Variants in SPAG16 observed in about 807,000 individuals in gnomAD.
SPAG16 encodes sperm-associated antigen 16 protein.
A neutral mutation model predicts 80.4 loss-of-function variants in SPAG16; 86 were observed. The observed-to-expected ratio is 1.07, with a 90% confidence interval of 0.90 to 1.28. The LOEUF (loss-of-function observed/expected upper bound fraction) is 1.28, where lower values mean the gene tolerates loss of function less well. Ranked by LOEUF, SPAG16 falls within the 50% of genes most tolerant of loss-of-function variation. The probability of loss-of-function intolerance (pLI) is 0.00; values close to 1 mark genes in which losing one functional copy is unlikely to be tolerated. For missense variants in SPAG16, 870 were observed against 765.3 expected, an observed-to-expected ratio of 1.14 and a Z score of -1.61; for synonymous variants, 294 against 265.9, an observed-to-expected ratio of 1.11 and a Z score of -1.03.
chr2:214,075,335 G>A (rs1478273144), intron 13 of SPAG16, among the ~76,000 whole-genome samples: 1 of 151,236 alleles, frequency 6.6e-6, no homozygotes, highest in Non-Finnish European at 1.5e-5. Context: ...TTCCATTATT[G>A]TACATTAATT....
At chr2:213,696,084 G>C (rs141141930) in intron 10 of SPAG16, among the ~76,000 whole-genome samples, 22 of 152,128 alleles carry the variant, frequency 1.4e-4, no homozygotes, top group African/African-American at 5.1e-4. Context: ...ATATCTAGAG[G>C]GTAAAGCCAA....
intron 13 of SPAG16, among the ~76,000 whole-genome samples, chr2:214,034,115 T>C (rs1416693117): frequency 1.3e-5 from 2 of 152,226 alleles, no homozygotes; most frequent in Non-Finnish European, 2.9e-5. Flanking sequence ...GTTTGTCTAA[T>C]ATTTCTTCTT....
chr2:213,621,533 G>C (rs1443207584), intron 10 of SPAG16, among the ~76,000 whole-genome samples: 1 of 152,108 alleles, frequency 6.6e-6, no homozygotes, highest in African/African-American at 2.4e-5. Flanking sequence ...TGATGGATGA[G>C]ACATTCAACA....
chr2:213,770,216 T>C (rs914788879), intron 10 of SPAG16, among the ~76,000 whole-genome samples: 1 of 152,190 alleles, frequency 6.6e-6, no homozygotes, highest in Non-Finnish European at 1.5e-5. Context: ...TAAACTTTCT[T>C]GTACAAGGTT....
At chr2:213,678,249 G>A (rs935104239) in intron 10 of SPAG16, among the ~76,000 whole-genome samples, 2 of 151,942 alleles carry the variant, frequency 1.3e-5, no homozygotes, top group African/African-American at 2.4e-5. Flanking sequence ...GCCAGCAGAC[G>A]GCAAGAAATA....
chr2:213,502,129 T>TTGC (rs1435266902), intron 10 of SPAG16, among the ~76,000 whole-genome samples: 3 of 152,170 alleles, frequency 2.0e-5, no homozygotes, highest in African/African-American at 7.2e-5. Flanking sequence ...TTTGTTGTTG[T>TTGC]TGCTGTTCTT....
intron 15 of SPAG16, among the ~76,000 whole-genome samples, chr2:214,375,711 G>T (rs906964713): frequency 6.6e-6 from 1 of 152,124 alleles, no homozygotes; most frequent in Non-Finnish European, 1.5e-5. Context: ...TAGATTTGAG[G>T]TATATAGATT....
chr2:213,408,412 T>C (rs967757158), intron 9 of SPAG16, among the ~76,000 whole-genome samples: 3 of 152,122 alleles, frequency 2.0e-5, no homozygotes, highest in Non-Finnish European at 4.4e-5. Flanking sequence ...GGAAACCTCA[T>C]TCTGAGCACA....
chr2:213,937,092 T>C (rs2079022230), intron 12 of SPAG16, among the ~76,000 whole-genome samples: 1 of 152,116 alleles, frequency 6.6e-6, no homozygotes, highest in South Asian at 2.1e-4. Flanking sequence ...ATTTTCTTAT[T>C]ACAAAACCAA....
intron 15 of SPAG16, among the ~76,000 whole-genome samples, chr2:214,204,244 C>G (rs1004504842): frequency 2.6e-5 from 4 of 152,188 alleles, no homozygotes; most frequent in Non-Finnish European, 5.9e-5. Context: ...CTGTACCTGC[C>G]CTGGTAGCCA....
At chr2:213,470,890 C>T (rs1468660599) in intron 9 of SPAG16, among the ~76,000 whole-genome samples, 1 of 152,198 alleles carries the variant, frequency 6.6e-6, no homozygotes, top group Non-Finnish European at 1.5e-5. Flanking sequence ...ATATCTCTGC[C>T]CCAAATTTCT....
intron 15 of SPAG16, among the ~76,000 whole-genome samples, chr2:214,295,611 C>T (rs1314386356): frequency 6.6e-6 from 1 of 152,006 alleles, no homozygotes; most frequent in African/African-American, 2.4e-5. Context: ...GCTAACATGG[C>T]GAAACCCCAT....
chr2:214,289,742 A>T (rs746716738), intron 15 of SPAG16, among the ~76,000 whole-genome samples: 2 of 150,024 alleles, frequency 1.3e-5, no homozygotes, highest in Admixed American at 1.3e-4. Flanking sequence ...GAATTCTATA[A>T]TTTTTTTTAA....
At chr2:213,526,568 T>C (rs1284306591) in intron 10 of SPAG16, among the ~76,000 whole-genome samples, 1 of 152,166 alleles carries the variant, frequency 6.6e-6, no homozygotes, top group Admixed American at 6.5e-5. Flanking sequence ...GGAGCCTCCT[T>C]TTGGCAGCAC....
At chr2:214,360,258 T>C (rs1208234369) in intron 15 of SPAG16, among the ~76,000 whole-genome samples, 3 of 151,854 alleles carry the variant, frequency 2.0e-5, no homozygotes, top group Non-Finnish European at 4.4e-5. Flanking sequence ...ATTTCCTAGA[T>C]TTAACATATA....
intron 14 of SPAG16, among the ~76,000 whole-genome samples, chr2:214,140,282 T>G (rs750300046): frequency 6.6e-6 from 1 of 151,706 alleles, no homozygotes; most frequent in Non-Finnish European, 1.5e-5. Context: ...GCTTCCAAAC[T>G]TTTTTTTAAA....
At position 214,265,596 on chromosome 2, in the gene SPAG16, T is replaced by A. The variant is rs191171982; in HGVS notation, c.1720+116330T>A. Among the ~76,000 whole-genome samples, 83 of 152,006 alleles carry A rather than the reference T, an allele frequency of 5.5e-4. 1 individual carries two copies. Among genetic ancestry groups the A allele is most frequent in the Non-Finnish European group, 4.4e-5 (3 of 67,900 alleles). On this transcript the variant is annotated intron_variant, in intron 15 of 15. Transcript: ENST00000331683. ...TAACATGTCATTTGCAGAGCAGGAG[T>A]TTTTAATTTTAATGAGGTACAGTGT... is the stretch of plus-strand genomic sequence containing the variant.
At chr2:213,959,733 C>T (rs181584672) in intron 12 of SPAG16, among the ~76,000 whole-genome samples, 1 of 152,260 alleles carries the variant, frequency 6.6e-6, no homozygotes, top group Non-Finnish European at 1.5e-5. Context: ...TACCTGTAAC[C>T]TCTCTGAAAC....
intron 9 of SPAG16, among the ~76,000 whole-genome samples, chr2:213,479,861 A>T (rs1311540844): frequency 6.6e-6 from 1 of 152,240 alleles, no homozygotes; most frequent in African/African-American, 2.4e-5. Context: ...AAGATCAAGA[A>T]AGTTATATGT....
Sources: gnomAD v4.1 joint callset for allele counts (sites outside exome capture counted in the v4.1 genomes callset) on GRCh38, gnomAD v4.1.1 for gene constraint, MANE v1.5 for transcripts, NCBI Gene and HGNC (gene_info 2026-07-23, HGNC 2026-07-21) for gene names.